UNC13C: variants seen among roughly 807,000 people sequenced by gnomAD.
UNC13C encodes protein unc-13 homolog C.
In UNC13C, 174 loss-of-function variants were observed where a neutral mutation model predicts 245.4. The observed-to-expected ratio is 0.71, with a 90% confidence interval of 0.63 to 0.80. The LOEUF is 0.80. Among genes scored for constraint, UNC13C ranks in the 30% least tolerant of loss-of-function variants. UNC13C has a pLI of 0.00. For synonymous variants in UNC13C, 992 were observed against 895.1 expected, an observed-to-expected ratio of 1.11 and a Z score of -1.93; for missense variants, 2,829 against 2,602.9, an observed-to-expected ratio of 1.09 and a Z score of -1.89.
At chr15:54,143,753 A>G in intron 4 of UNC13C, 69 bp downstream of exon 4, 3 of 1,206,414 alleles carry the variant, frequency 2.5e-6, no homozygotes, top group Non-Finnish European at 3.6e-6. Flanking sequence ...CTCAACATAT[A>G]TGCTTTGAGT....
At chr15:54,046,817 T>G (rs1302389440) in intron 2 of UNC13C, among the ~76,000 whole-genome samples, 1 of 151,958 alleles carries the variant, frequency 6.6e-6, no homozygotes, top group Non-Finnish European at 1.5e-5. Flanking sequence ...AGTACACTCT[T>G]GTACCCAGTA....
intron 4 of UNC13C, among the ~76,000 whole-genome samples, chr15:54,231,068 A>G (rs184432242): frequency 6.6e-6 from 1 of 152,038 alleles, no homozygotes; most frequent in African/African-American, 2.4e-5. Flanking sequence ...ATTCCTAAGA[A>G]GAACACTTGA....
Position 54,403,715 on chromosome 15 carries a change from C to CAAA in UNC13C, c.4847+10556_4847+10558dup, listed in dbSNP as rs771818988. On this transcript the variant is annotated intron_variant, in intron 18 of 32. Transcript: ENST00000260323. ...TGAGCAACAGAGTGAGAACCTGTCTCAAAAAAAAAAAAAAAAAAAAAAAAG... is the reference window on the plus strand; with the variant it reads ...TGAGCAACAGAGTGAGAACCTGTCTCAAAAAAAAAAAAAAAAAAAAAAAAAAAG... Among the ~76,000 whole-genome samples the CAAA allele has an allele frequency of 8.1e-3, 453 of 56,058 alleles. 10 individuals carry two copies. The highest frequency in any genetic ancestry group is 0.032 in the East Asian group (40 of 1,254). The allele number at this position is 56,058 out of a possible 152,430, so 36.8% of individuals were successfully genotyped here. A position where few individuals can be genotyped will look rare whatever the true frequency, so the allele number is the denominator to read the frequency against.
chr15:54,127,198 TTACTGGGTATA>T (rs1170151408), intron 2 of UNC13C, among the ~76,000 whole-genome samples: 2 of 152,174 alleles, frequency 1.3e-5, no homozygotes, highest in Non-Finnish European at 2.9e-5. Context: ...AGCAATCCCA[TTACTGGGTATA>T]TACCCAAAGG....
At chr15:54,215,023 G>C (rs1308608322) in intron 4 of UNC13C, among the ~76,000 whole-genome samples, 1 of 151,852 alleles carries the variant, frequency 6.6e-6, no homozygotes, top group African/African-American at 2.4e-5. Flanking sequence ...TCTGTAGCAT[G>C]TAATAATGTC....
intron 4 of UNC13C, among the ~76,000 whole-genome samples, chr15:54,154,923 G>A (rs552381681): frequency 1.3e-5 from 2 of 152,286 alleles, no homozygotes; most frequent in East Asian, 1.9e-4. Context: ...AACTGTCTTT[G>A]TAAATACTAA....
chr15:54,544,292 T>C (rs1896386036), intron 26 of UNC13C, among the ~76,000 whole-genome samples: 1 of 152,172 alleles, frequency 6.6e-6, no homozygotes, highest in African/African-American at 2.4e-5. Flanking sequence ...TGATGGAACG[T>C]ATCTCAAAAT....
At chr15:53,937,059 C>G in the UNC13C span, among the ~76,000 whole-genome samples, 1 of 152,186 alleles carries the variant, frequency 6.6e-6, no homozygotes. Flanking sequence ...AAGTAGGCTT[C>G]TGAAGGTGGA....
intron 19 of UNC13C, among the ~76,000 whole-genome samples, chr15:54,421,369 A>G (rs1275628621): frequency 6.6e-6 from 1 of 152,082 alleles, no homozygotes; most frequent in Non-Finnish European, 1.5e-5. Flanking sequence ...ATATTCTCCC[A>G]AAGATATGTA....
At chr15:54,118,123 T>A (rs1387330924) in intron 2 of UNC13C, among the ~76,000 whole-genome samples, 4 of 152,148 alleles carry the variant, frequency 2.6e-5, no homozygotes, top group Admixed American at 2.6e-4. Flanking sequence ...AAAAAAAGAT[T>A]GCTTTGGCCT....
Position 53,989,859 on chromosome 15 carries a change from G to T in UNC13C, c.-257+10932G>T, listed in dbSNP as rs915504074. 4.6e-5 allele frequency among the ~76,000 whole-genome samples: 7 copies of T among 152,028 alleles called. No individual in the cohort carries two copies. The East Asian group carries it at 1.3e-3, about 29-fold the overall frequency. On this transcript the variant is annotated intron_variant, in intron 1 of 32. Coordinates refer to ENST00000260323, the MANE Select transcript of UNC13C (RefSeq NM_001080534.3). Reference sequence around the variant, plus strand: ...ATCCTAAGTGCTGACAGGTAGCACTGCAATAGTTCGGCATCTCAGAGTTTG... The same window carrying T: ...ATCCTAAGTGCTGACAGGTAGCACTTCAATAGTTCGGCATCTCAGAGTTTG...
chr15:54,363,037 T>C (rs1190000176), intron 17 of UNC13C, among the ~76,000 whole-genome samples: 1 of 152,140 alleles, frequency 6.6e-6, no homozygotes. Flanking sequence ...TAGGAGAAGG[T>C]TGATGCCTTT....
chr15:54,239,239 T>A (rs1490718314), intron 7 of UNC13C, among the ~76,000 whole-genome samples: 3 of 152,196 alleles, frequency 2.0e-5, no homozygotes, highest in Non-Finnish European at 2.9e-5. Flanking sequence ...TCCTTCTTCT[T>A]TCTGTCATTG....
intron 30 of UNC13C, among the ~76,000 whole-genome samples, chr15:54,572,447 A>G (rs1381694816): frequency 8.0e-6 from 1 of 125,572 alleles, no homozygotes; most frequent in Non-Finnish European, 1.6e-5. Context: ...TTTTTTTGAG[A>G]TGGAGTCTTG....
Position 54,428,710 on chromosome 15 carries a change from G to A in UNC13C, c.4933+13643G>A, listed in dbSNP as rs564823000. On this transcript the variant is annotated intron_variant, in intron 19 of 32. Transcript: ENST00000260323. ...TGCATGAGTAAATTCCTCAGTTTAG[G>A]TTCCTGGTATGGTCTCTGTGCTAGA... 4.0e-5 allele frequency among the ~76,000 whole-genome samples: 6 copies of A among 151,470 alleles called. No homozygotes were observed. In the South Asian group the frequency reaches 6.2e-4, roughly 16 times the overall value.
intron 30 of UNC13C, among the ~76,000 whole-genome samples, chr15:54,594,708 G>A (rs1185129606): frequency 6.6e-6 from 1 of 152,178 alleles, no homozygotes; most frequent in Admixed American, 6.5e-5. Context: ...TCTATTTCTA[G>A]GCAGAGGGCA....
At chr15:54,569,194 T>C (rs997244765) in intron 30 of UNC13C, among the ~76,000 whole-genome samples, 2 of 99,218 alleles carry the variant, frequency 2.0e-5, no homozygotes, top group Non-Finnish European at 3.6e-5. Flanking sequence ...TTTACATTTA[T>C]GTGTACACCC....
chr15:54,012,348 T>G (rs1260572401), intron 1 of UNC13C, among the ~76,000 whole-genome samples: 1 of 152,200 alleles, frequency 6.6e-6, no homozygotes, highest in African/African-American at 2.4e-5. Context: ...AATATGGCTG[T>G]ATAAATTGAC....
chr15:54,472,057 T>A (rs1163948417), intron 19 of UNC13C, among the ~76,000 whole-genome samples: 2 of 151,782 alleles, frequency 1.3e-5, no homozygotes, highest in African/African-American at 4.8e-5. Context: ...TTTGCTTACT[T>A]TCACTGGTTT....
Sources: allele counts gnomAD v4.1 joint callset (sites outside exome capture counted in the v4.1 genomes callset), GRCh38; gene constraint gnomAD v4.1.1; transcripts MANE v1.5; gene names NCBI Gene and HGNC (gene_info 2026-07-23, HGNC 2026-07-21).